Variants in SLC35F1 observed in about 807,000 individuals in gnomAD.
SLC35F1 encodes the protein chromosome 6 open reading frame 169.
A neutral mutation model predicts 48.7 loss-of-function variants in SLC35F1; 14 were observed. The observed-to-expected ratio is 0.29, with a 90% confidence interval of 0.19 to 0.45. SLC35F1 has a LOEUF of 0.45. SLC35F1 is among the 20% of genes least tolerant of loss of function. The probability of loss-of-function intolerance (pLI) is 1.00; values close to 1 mark genes in which losing one functional copy is unlikely to be tolerated. For missense variants in SLC35F1, 404 were observed against 500.0 expected (o/e 0.81, Z 1.83); for synonymous variants, 190 against 202.2 (o/e 0.94, Z 0.51).
At chr6:118,043,648 G>A (rs1031480483) in intron 1 of SLC35F1, among the ~76,000 whole-genome samples, 3 of 151,828 alleles carry the variant, frequency 2.0e-5, no homozygotes, top group Non-Finnish European at 2.9e-5. Flanking sequence ...ATTTCACTGG[G>A]CATTTTCATA....
intron 1 of SLC35F1, among the ~76,000 whole-genome samples, chr6:117,968,172 C>T (rs1173790689): frequency 6.6e-6 from 1 of 152,026 alleles, no homozygotes; most frequent in Non-Finnish European, 1.5e-5. Flanking sequence ...CTTTTTTATC[C>T]TCCTTCTAGA....
At chr6:118,289,056 T>C (rs2114645929) in intron 7 of SLC35F1, among the ~76,000 whole-genome samples, 1 of 152,346 alleles carries the variant, frequency 6.6e-6, no homozygotes, top group African/African-American at 2.4e-5. Context: ...TCCATTCCTA[T>C]AAATTTGTCA....
At chr6:118,082,573 A>G (rs1772927117) in intron 1 of SLC35F1, among the ~76,000 whole-genome samples, 1 of 151,974 alleles carries the variant, frequency 6.6e-6, no homozygotes, top group South Asian at 2.1e-4. Context: ...TCTAACAAAC[A>G]AAGAAGGGAT....
chr6:118,133,952 C>G (rs1173809004), intron 1 of SLC35F1, among the ~76,000 whole-genome samples: 1 of 152,212 alleles, frequency 6.6e-6, no homozygotes, highest in Non-Finnish European at 1.5e-5. Flanking sequence ...TGGTCAACAC[C>G]TGTTTCTTCC....
intron 2 of SLC35F1, among the ~76,000 whole-genome samples, chr6:118,184,634 C>T (rs1774631190): frequency 6.6e-6 from 1 of 152,308 alleles, no homozygotes; most frequent in East Asian, 1.9e-4. Flanking sequence ...ATGTACCATA[C>T]ATGTCTGTCT....
intron 2 of SLC35F1, among the ~76,000 whole-genome samples, chr6:118,164,950 T>G (rs1216249936): frequency 6.6e-6 from 1 of 152,146 alleles, no homozygotes; most frequent in African/African-American, 2.4e-5. Context: ...AATTCCTAAA[T>G]GCACAAGCTC....
chr6:118,101,720 G>T (rs1041048615), intron 1 of SLC35F1, among the ~76,000 whole-genome samples: 12 of 152,160 alleles, frequency 7.9e-5, no homozygotes, highest in Non-Finnish European at 2.9e-5. Context: ...GAGCAAGGAG[G>T]TATAAATAAA....
At chr6:118,273,251 A>C (rs1348508041) in intron 4 of SLC35F1, among the ~76,000 whole-genome samples, 1 of 152,158 alleles carries the variant, frequency 6.6e-6, no homozygotes, top group Admixed American at 6.5e-5. Flanking sequence ...GGCGTTTGAA[A>C]AATATTGGTG....
chr6:118,092,634 G>T (rs190656091), intron 1 of SLC35F1, among the ~76,000 whole-genome samples: 1 of 152,318 alleles, frequency 6.6e-6, no homozygotes, highest in East Asian at 1.9e-4. Context: ...CATTTCATGG[G>T]CTGTACCCTA....
chr6:118,026,547 CTCTT>C (rs1205442655), intron 1 of SLC35F1, among the ~76,000 whole-genome samples: 2 of 152,154 alleles, frequency 1.3e-5, no homozygotes, highest in Admixed American at 1.3e-4. Context: ...TGTTAATACT[CTCTT>C]TGGGAATCCC....
chr6:118,002,282 A>T (rs938121092), intron 1 of SLC35F1, among the ~76,000 whole-genome samples: 3 of 152,298 alleles, frequency 2.0e-5, no homozygotes, highest in South Asian at 2.1e-4. Context: ...TAAAAAATGA[A>T]GAGTTTGTGT....
intron 1 of SLC35F1, among the ~76,000 whole-genome samples, chr6:118,067,237 T>A (rs1031216250): frequency 1.3e-5 from 2 of 152,042 alleles, no homozygotes; most frequent in African/African-American, 4.8e-5. Context: ...GCAGATTTGT[T>A]GGGGTAAAGT....
At chr6:118,060,578 A>C (rs900351400) in intron 1 of SLC35F1, among the ~76,000 whole-genome samples, 3 of 152,266 alleles carry the variant, frequency 2.0e-5, no homozygotes, top group African/African-American at 7.2e-5. Context: ...AGAAACCTCA[A>C]ATATTAGGTT....
chr6:117,982,535 C>T (rs1438436483), intron 1 of SLC35F1, among the ~76,000 whole-genome samples: 1 of 152,190 alleles, frequency 6.6e-6, no homozygotes, highest in Non-Finnish European at 1.5e-5. Context: ...GCATTCAGAA[C>T]ATTAGCAGTG....
chr6:118,022,773 G>A (rs1276919799), intron 1 of SLC35F1, among the ~76,000 whole-genome samples: 3 of 133,826 alleles, frequency 2.2e-5, no homozygotes, highest in Non-Finnish European at 4.7e-5. Flanking sequence ...TTTTTTTTGA[G>A]AGAGTCTGAC....
chr6:118,033,733 G>A (rs2114895206), intron 1 of SLC35F1, among the ~76,000 whole-genome samples: 1 of 152,002 alleles, frequency 6.6e-6, no homozygotes, highest in East Asian at 1.9e-4. Context: ...AGCCACAGCA[G>A]CAAGAAGAGG....
intron 1 of SLC35F1, among the ~76,000 whole-genome samples, chr6:118,072,903 G>A (rs1772759567): frequency 6.6e-6 from 1 of 152,176 alleles, no homozygotes; most frequent in South Asian, 2.1e-4. Context: ...TGGGTGAACA[G>A]CTCCTGGGCA....
chr6:118,101,061 G>A (rs991365075), intron 1 of SLC35F1, among the ~76,000 whole-genome samples: 1 of 151,664 alleles, frequency 6.6e-6, no homozygotes, highest in Non-Finnish European at 1.5e-5. Context: ...AGAGTTGCCT[G>A]TTCAGATAGG....
At chr6:118,028,496 C>A (rs1314114950) in intron 1 of SLC35F1, among the ~76,000 whole-genome samples, 1 of 151,878 alleles carries the variant, frequency 6.6e-6, no homozygotes, top group African/African-American at 2.4e-5. Context: ...ATATACAGGG[C>A]AAATTAGGAA....
Sources: gnomAD v4.1 joint callset for allele counts (sites outside exome capture counted in the v4.1 genomes callset) on GRCh38, gnomAD v4.1.1 for gene constraint, MANE v1.5 for transcripts, NCBI Gene and HGNC (gene_info 2026-07-23, HGNC 2026-07-21) for gene names.